FMNL1: variants seen among roughly 807,000 people sequenced by gnomAD.
The protein encoded by FMNL1 is formin-like protein 1.
Under a neutral mutation model 121.3 loss-of-function variants are expected in FMNL1, and 43 were observed. The ratio of observed to expected loss-of-function variants is 0.35; its 90% CI spans 0.28 to 0.46. The LOEUF is 0.46. FMNL1 is among the 20% of genes least tolerant of loss of function. The pLI, the probability that FMNL1 is intolerant of heterozygous loss-of-function variation, is 1.00. For synonymous variants in FMNL1, 613 were observed against 613.5 expected, an observed-to-expected ratio of 1.00 and a Z score of 0.01; for missense variants, 1,191 against 1,482.4, an observed-to-expected ratio of 0.80 and a Z score of 3.23.
chr17:45,229,872 G>T (rs975740839), intron 1 of FMNL1, among the ~76,000 whole-genome samples: 4 of 152,134 alleles, frequency 2.6e-5, no homozygotes, highest in Non-Finnish European at 5.9e-5. Context: ...CCAGGGCACT[G>T]GCTCTTCTCC....
intron 6 of FMNL1, 49 bp downstream of exon 6, chr17:45,234,249 C>T (rs1414601649): frequency 1.2e-6 from 2 of 1,612,922 alleles, no homozygotes; most frequent in African/African-American, 1.3e-5. Context: ...AATTCAGCCC[C>T]CACACTGCTG....
At chr17:45,239,562 A>G (rs2143500907) in intron 11 of FMNL1, among the ~76,000 whole-genome samples, 1 of 152,328 alleles carries the variant, frequency 6.6e-6, no homozygotes, top group East Asian at 1.9e-4. Context: ...GAGAAGCTGC[A>G]GCTCCTTCTC....
At chr17:45,240,986 G>C in intron 12 of FMNL1, 143 bp from the exon 13 acceptor site, 1 of 1,018,536 alleles carries the variant, frequency 9.8e-7, no homozygotes, top group Non-Finnish European at 1.5e-6. Context: ...CGAGTGCCAG[G>C]CTCGGCCCAC....
chr17:45,238,787 G>T, intron 10 of FMNL1, 149 bp downstream of exon 10: 1 of 1,153,930 alleles, frequency 8.7e-7, no homozygotes, highest in Non-Finnish European at 1.3e-6. Flanking sequence ...ATGTTGGCAG[G>T]GGGCTGGATT....
At chr17:45,226,476 TC>T (rs2043332873) in intron 1 of FMNL1, among the ~76,000 whole-genome samples, 1 of 152,188 alleles carries the variant, frequency 6.6e-6, no homozygotes, top group Non-Finnish European at 1.5e-5. Context: ...GACCCACATT[TC>T]CCATTCCCCG....
chr17:45,226,633 G>A (rs2043335454), intron 1 of FMNL1, among the ~76,000 whole-genome samples: 1 of 152,178 alleles, frequency 6.6e-6, no homozygotes, highest in African/African-American at 2.4e-5. Context: ...GGCTTGTTGA[G>A]GTTTAAATGA....
Position 45,222,010 on chromosome 17 carries a change from G to A in FMNL1, c.-115G>A. The A allele has an allele frequency of 3.6e-6, 3 of 841,548 alleles. No homozygotes were observed. The highest frequency in any genetic ancestry group is 4.6e-6 in the Non-Finnish European group (3 of 657,624). 52.1% of individuals were successfully genotyped at this position (841,548 alleles called of 1,614,324 possible). On this transcript the variant is annotated 5_prime_UTR_variant, in exon 1 of 27. Transcript: ENST00000331495. ...GCCCCCCGCTGCCGAGACCCCCGCC[G>A]CCACCGCCAGCCGCTGCCCCCTCGC... is the stretch of plus-strand genomic sequence containing the variant.
At chr17:45,224,985 G>C (rs1743880676) in intron 1 of FMNL1, among the ~76,000 whole-genome samples, 1 of 152,224 alleles carries the variant, frequency 6.6e-6, no homozygotes, top group Non-Finnish European at 1.5e-5. Context: ...TCAGGGACTG[G>C]GATGACAAGG....
At chr17:45,228,871 C>G (rs1033938276) in intron 1 of FMNL1, among the ~76,000 whole-genome samples, 5 of 152,224 alleles carry the variant, frequency 3.3e-5, no homozygotes, top group Admixed American at 2.6e-4. Flanking sequence ...TTCCCTGGCA[C>G]TGCTGGCCCT....
Position 45,246,343 on chromosome 17 carries a change from C to T in FMNL1, c.3211+13C>T, listed in dbSNP as rs1172275047. Reference sequence around the variant, plus strand: ...GACATCATCACAGGTAAGGGCTTGGCCAGGCCTTGGTCTTATCCTCAGTCT... The same window carrying T: ...GACATCATCACAGGTAAGGGCTTGGTCAGGCCTTGGTCTTATCCTCAGTCT... On this transcript the variant is annotated intron_variant, in intron 25 of 26. Coordinates refer to ENST00000331495, the MANE Select transcript of FMNL1 (RefSeq NM_005892.4). 1.9e-6 allele frequency: 3 copies of T among 1,614,106 alleles called. No homozygotes were observed. Among genetic ancestry groups the T allele is most frequent in the Non-Finnish European group, 2.5e-6 (3 of 1,180,014 alleles).
chr17:45,238,521 C>A, intron 9 of FMNL1, 43 bp from the exon 10 acceptor site: 1 of 1,605,754 alleles, frequency 6.2e-7, no homozygotes. Flanking sequence ...TAGCTTAGGA[C>A]GTGTGTCACT....
chr17:45,243,254 A>G lies in FMNL1; in HGVS notation c.2147A>G (p.Lys716Arg). The G allele has an allele frequency of 6.2e-7, 1 of 1,614,118 alleles. No individual in the cohort carries two copies. Among genetic ancestry groups the G allele is most frequent in the Non-Finnish European group, 8.5e-7 (1 of 1,179,996 alleles). The change falls in exon 17 of 27, where the codon AAG becomes AGG. Residue 716 changes from lysine (K) to arginine (R), a missense_variant. Transcript: ENST00000331495. ...KATLIEANRA[K>R]NLAITLRKGN... ...ACACTCATTGAGGCCAACCGGGCCA[A>G]GAACTTGGCCATCACCCTGCGGAAG...
In FMNL1 at chr17:45,234,129, G is replaced by A; in HGVS notation, c.543G>A (p.Leu181=). 6.2e-7 allele frequency: 1 copy of A among 1,614,134 alleles called. No individual in the cohort carries two copies. The highest frequency in any genetic ancestry group is 1.1e-5 in the South Asian group (1 of 91,086). Residue 181 remains leucine (L), a synonymous_variant, in exon 6 of 27, where the codon CTG becomes CTA. Coordinates refer to ENST00000331495, the MANE Select transcript of FMNL1 (RefSeq NM_005892.4). ...CCAACTCAGAGAAAAACAAGCCCCTGGAGCAGTCTGTGGAAGACCTCAGCA... is the reference window on the plus strand; with the variant it reads ...CCAACTCAGAGAAAAACAAGCCCCTAGAGCAGTCTGTGGAAGACCTCAGCA... ...GASNSEKNKP[L]EQSVEDLSKG... is the part of the protein sequence containing the mutation.
intron 1 of FMNL1, among the ~76,000 whole-genome samples, chr17:45,229,452 A>G (rs898807364): frequency 2.0e-5 from 3 of 152,204 alleles, no homozygotes; most frequent in East Asian, 1.9e-4. Context: ...GCAGAGCCAC[A>G]TGACTGAGGG....
At chr17:45,234,663 CAAAAAAAAAAA>C (rs58221219) in intron 6 of FMNL1, 28 of 69,156 alleles carry the variant, frequency 4.0e-4, no homozygotes, top group South Asian at 1.6e-3. Flanking sequence ...GACCCTGTCT[CAAAAAAAAAAA>C]AAAAAAAAAA....
In FMNL1 at chr17:45,246,223, C is replaced by A. The variant is rs199676283; in HGVS notation, c.3104C>A (p.Ala1035Asp). Residue 1035 changes from alanine (A) to aspartate (D), a missense_variant, in exon 25 of 27, where the codon GCC becomes GAC. Physicochemically the swap from Ala to Asp is moderately radical, Grantham distance 126 (BLOSUM62 -2). Around this residue, in one of 4 missense-constraint regions of FMNL1, gnomAD observed 367 missense variants for 528.6 expected, o/e 0.69. Coordinates refer to ENST00000331495, the MANE Select transcript of FMNL1 (RefSeq NM_005892.4). ...AATTCCCCCTAGTCACCGCCAAAGG[C>A]CCGGCGGCCACAGATGGACCTCATC... ...EPPAPKSPPK[A>D]RRPQMDLISE... 6.2e-7 allele frequency: 1 copy of A among 1,609,068 alleles called. No individual in the cohort carries two copies. Among genetic ancestry groups the A allele is most frequent in the Non-Finnish European group, 8.5e-7 (1 of 1,175,880 alleles).
intron 24 of FMNL1, 51 bp from the exon 25 acceptor site, chr17:45,246,159 G>T (rs556722228): frequency 1.3e-6 from 2 of 1,574,420 alleles, no homozygotes; most frequent in East Asian, 2.2e-5. Context: ...ATATTCCAGG[G>T]TTTTGGTGAT....
intron 9 of FMNL1, 121 bp from the exon 10 acceptor site, chr17:45,238,443 G>A (rs2043599133): frequency 1.0e-6 from 1 of 959,858 alleles, no homozygotes; most frequent in Non-Finnish European, 1.6e-6. Flanking sequence ...GAGCAGAAGA[G>A]TGACGTGGCT....
chr17:45,234,606 G>A (rs917504620), intron 6 of FMNL1: 1 of 282,074 alleles, frequency 3.5e-6, no homozygotes, highest in Admixed American at 5.0e-5. Context: ...GGAGGTTGCA[G>A]TGAGCTGAGA....
Sources: allele counts gnomAD v4.1 joint callset (sites outside exome capture counted in the v4.1 genomes callset), GRCh38; gene constraint gnomAD v4.1.1; regional missense constraint gnomAD v4.1.1; transcripts MANE v1.5; gene names NCBI Gene and HGNC (gene_info 2026-07-23, HGNC 2026-07-21).